Variants in NELL1 observed in about 807,000 individuals in gnomAD.
The protein encoded by NELL1 is protein kinase C-binding protein NELL1.
A neutral mutation model predicts 107.4 loss-of-function variants in NELL1; 76 were observed. The observed-to-expected ratio is 0.71, with a 90% confidence interval of 0.59 to 0.86. The LOEUF (loss-of-function observed/expected upper bound fraction) is 0.86, where lower values mean the gene tolerates loss of function less well. NELL1 is among the 40% of genes least tolerant of loss of function. NELL1 has a pLI of 0.00. For synonymous variants in NELL1, 353 were observed against 341.2 expected, an observed-to-expected ratio of 1.03 and a Z score of -0.38; for missense variants, 1,024 against 1,005.5, an observed-to-expected ratio of 1.02 and a Z score of -0.25.
intron 15 of NELL1, among the ~76,000 whole-genome samples, chr11:21,412,318 G>A (rs1306475683): frequency 6.6e-6 from 1 of 151,964 alleles, no homozygotes; most frequent in Non-Finnish European, 1.5e-5. Context: ...TTTATAGATA[G>A]GACATAAATG....
At chr11:20,677,134 C>G (rs571008212) in intron 1 of NELL1, among the ~76,000 whole-genome samples, 1 of 152,286 alleles carries the variant, frequency 6.6e-6, no homozygotes, top group South Asian at 2.1e-4. Context: ...ATCTGGCTTT[C>G]CATCCAGGAA....
At chr11:21,230,298 G>T (rs1487000360) in intron 14 of NELL1, among the ~76,000 whole-genome samples, 1 of 151,992 alleles carries the variant, frequency 6.6e-6, no homozygotes, top group African/African-American at 2.4e-5. Context: ...GTGAACACTT[G>T]GTCTTGTCCC....
At chr11:20,693,502 A>T (rs1465376397) in intron 2 of NELL1, among the ~76,000 whole-genome samples, 1 of 151,950 alleles carries the variant, frequency 6.6e-6, no homozygotes, top group Non-Finnish European at 1.5e-5. Context: ...ATCTCTCAGC[A>T]TTTGCTTGTC....
chr11:20,855,177 CTT>C (rs59669806), intron 4 of NELL1, among the ~76,000 whole-genome samples: 6 of 140,694 alleles, frequency 4.3e-5, no homozygotes, highest in Admixed American at 7.1e-5. Flanking sequence ...TCAACTTTTT[CTT>C]TTTTTTTTTT....
chr11:20,713,900 T>C (rs1855172373), intron 2 of NELL1, among the ~76,000 whole-genome samples: 1 of 152,212 alleles, frequency 6.6e-6, no homozygotes, highest in Admixed American at 6.5e-5. Flanking sequence ...GTTTCAGCTC[T>C]AGGTAAGTTT....
chr11:20,778,520 T>C (rs1856792531), intron 2 of NELL1, among the ~76,000 whole-genome samples: 1 of 129,558 alleles, frequency 7.7e-6, no homozygotes, highest in East Asian at 2.1e-4. Flanking sequence ...TTTTTTTTTT[T>C]TTGCTGATGT....
chr11:20,748,790 T>C (rs950724904), intron 2 of NELL1, among the ~76,000 whole-genome samples: 1 of 150,282 alleles, frequency 6.7e-6, no homozygotes, highest in Non-Finnish European at 1.5e-5. Context: ...TGTATATATA[T>C]AATTTTCTTT....
intron 12 of NELL1, among the ~76,000 whole-genome samples, chr11:21,012,806 G>A (rs550332749): frequency 1.2e-4 from 19 of 152,112 alleles, no homozygotes; most frequent in East Asian, 5.9e-4. Context: ...GTCCATTTAC[G>A]AGTCTGAATG....
chr11:20,892,844 G>T (rs1164345375), intron 5 of NELL1, among the ~76,000 whole-genome samples: 1 of 150,982 alleles, frequency 6.6e-6, no homozygotes, highest in African/African-American at 2.4e-5. Flanking sequence ...CAGGAGAATC[G>T]CTTGAACCCA....
At chr11:21,252,502 G>T (rs1331919970) in intron 14 of NELL1, among the ~76,000 whole-genome samples, 4 of 152,078 alleles carry the variant, frequency 2.6e-5, no homozygotes, top group Non-Finnish European at 5.9e-5. Flanking sequence ...CTAAAGGAAG[G>T]TATTTTCATC....
intron 2 of NELL1, among the ~76,000 whole-genome samples, chr11:20,729,626 A>G (rs1162755419): frequency 6.6e-6 from 1 of 152,120 alleles, no homozygotes; most frequent in African/African-American, 2.4e-5. Context: ...ATGTTGATAG[A>G]TTGCTAGTTT....
chr11:20,869,429 A>G (rs1392895293), intron 4 of NELL1, among the ~76,000 whole-genome samples: 2 of 152,194 alleles, frequency 1.3e-5, no homozygotes, highest in Non-Finnish European at 2.9e-5. Flanking sequence ...TCAACCTAGT[A>G]TTCAAAGTGC....
intron 3 of NELL1, among the ~76,000 whole-genome samples, chr11:20,800,113 G>A (rs1020254156): frequency 2.0e-5 from 3 of 152,158 alleles, no homozygotes; most frequent in African/African-American, 7.2e-5. Context: ...CACCATTGAT[G>A]GGCACCTAGG....
intron 2 of NELL1, among the ~76,000 whole-genome samples, chr11:20,681,988 A>C (rs1373727697): frequency 6.6e-6 from 1 of 152,106 alleles, no homozygotes; most frequent in South Asian, 2.1e-4. Context: ...GGAACCACCC[A>C]GGTAATCTAA....
At chr11:21,392,251 C>G (rs568546449) in intron 15 of NELL1, among the ~76,000 whole-genome samples, 2 of 151,868 alleles carry the variant, frequency 1.3e-5, no homozygotes, top group Admixed American at 6.6e-5. Flanking sequence ...AGGAATCTAA[C>G]TGCTTTTTAA....
chr11:20,717,299 T>G (rs1345839060), intron 2 of NELL1, among the ~76,000 whole-genome samples: 1 of 152,224 alleles, frequency 6.6e-6, no homozygotes, highest in African/African-American at 2.4e-5. Flanking sequence ...AGACTAAATT[T>G]GGTTTAATGC....
At chr11:20,933,909 T>C (rs569295967) in intron 9 of NELL1, among the ~76,000 whole-genome samples, 14 of 152,300 alleles carry the variant, frequency 9.2e-5, no homozygotes, top group African/African-American at 3.4e-4. Context: ...TGGAGAAGTG[T>C]GTGTTGGTGC....
intron 14 of NELL1, among the ~76,000 whole-genome samples, chr11:21,345,706 A>G (rs1850668665): frequency 6.6e-6 from 1 of 152,224 alleles, no homozygotes; most frequent in Admixed American, 6.5e-5. Flanking sequence ...CTGCTGTAAA[A>G]TAAATCATCT....
rs577796956 is a variant in NELL1, at chr11:21,363,204, C to T, written c.1550-7649C>T. Reference sequence around the variant, plus strand: ...TTTCCCAATTCCACTGGTTGCCTGCCCCGAGGTCCCCTGTGAGATATAGTG... The same window carrying T: ...TTTCCCAATTCCACTGGTTGCCTGCTCCGAGGTCCCCTGTGAGATATAGTG... On this transcript the variant is annotated intron_variant, in intron 14 of 19. Coordinates refer to ENST00000357134, the MANE Select transcript of NELL1 (RefSeq NM_006157.5). Among the ~76,000 whole-genome samples, 4 of 152,260 alleles carry T rather than the reference C, an allele frequency of 2.6e-5. No homozygotes were observed. The South Asian group carries it at 6.2e-4, about 24-fold the overall frequency.
Sources: gnomAD v4.1 joint callset for allele counts (sites outside exome capture counted in the v4.1 genomes callset) on GRCh38, gnomAD v4.1.1 for gene constraint, MANE v1.5 for transcripts, NCBI Gene and HGNC (gene_info 2026-07-23, HGNC 2026-07-21) for gene names.